ALPK3: variants seen among roughly 807,000 people sequenced by gnomAD.
The protein encoded by ALPK3 is alpha-protein kinase 3.
ALPK3 carries 102 observed loss-of-function variants against 140.0 expected under a neutral mutation model. The ratio of observed to expected loss-of-function variants is 0.73; its 90% CI spans 0.62 to 0.86. The LOEUF (loss-of-function observed/expected upper bound fraction) is 0.86. Among genes scored for constraint, ALPK3 ranks in the 40% least tolerant of loss-of-function variants. ALPK3 has a pLI of 0.00. For synonymous variants in ALPK3, 938 were observed against 898.5 expected (o/e 1.04, Z -0.79); for missense variants, 2,254 against 2,208.2 (o/e 1.02, Z -0.42).
At chr15:84,820,062 C>T (rs763309161) in intron 1 of ALPK3, among the ~76,000 whole-genome samples, 2 of 152,154 alleles carry the variant, frequency 1.3e-5, no homozygotes, top group Non-Finnish European at 2.9e-5. Context: ...CATCTAGGAC[C>T]TCACCCCCAT....
chr15:84,823,084 C>A (rs1963445785), intron 1 of ALPK3, among the ~76,000 whole-genome samples: 1 of 152,232 alleles, frequency 6.6e-6, no homozygotes, highest in South Asian at 2.1e-4. Context: ...CCCAAAGGGC[C>A]TCCTTCCTGC....
intron 3 of ALPK3, among the ~76,000 whole-genome samples, chr15:84,832,252 T>C (rs772118262): frequency 6.6e-6 from 1 of 152,234 alleles, no homozygotes; most frequent in African/African-American, 2.4e-5. Context: ...TTCTCAGTTT[T>C]CTCCACTGCT....
In ALPK3 at chr15:84,840,576, G is replaced by A. The variant is rs1261777551; in HGVS notation, c.1297G>A (p.Gly433Arg). 4 of 1,579,896 alleles carry A rather than the reference G, an allele frequency of 2.5e-6. No homozygotes were observed. Among genetic ancestry groups the A allele is most frequent in the Non-Finnish European group, 3.4e-6 (4 of 1,165,008 alleles). The change falls in exon 5 of 14, where the codon GGA becomes AGA. Residue 433 changes from glycine (G) to arginine (R), a missense_variant. By Grantham distance (125) the Gly-to-Arg change is moderately radical. Around this residue, in one of 3 missense-constraint regions of ALPK3, gnomAD observed 2,088 missense variants for 2,022.9 expected, o/e 1.03. Coordinates refer to ENST00000258888, the MANE Select transcript of ALPK3 (RefSeq NM_020778.5). ...TQAVRPLGEE[G>R]PQTLSVRAPG... The stretch of plus-strand genomic sequence containing the variant: ...GGCAGTCAGGCCTCTTGGGGAAGAG[G>A]GACCCCAGACCCTGAGTGTCCGGGC...
At chr15:84,824,526 A>G (rs1963463447) in intron 2 of ALPK3, among the ~76,000 whole-genome samples, 1 of 152,256 alleles carries the variant, frequency 6.6e-6, no homozygotes, top group Non-Finnish European at 1.5e-5. Flanking sequence ...GTTTACAGAC[A>G]TGATTAGCAA....
chr15:84,832,193 A>G (rs1002017432), intron 3 of ALPK3, among the ~76,000 whole-genome samples: 1 of 152,120 alleles, frequency 6.6e-6, no homozygotes, highest in African/African-American at 2.4e-5. Flanking sequence ...GAGGTACCAA[A>G]TTGCCAATTC....
At chr15:84,829,607 C>T (rs1450359200) in intron 3 of ALPK3, among the ~76,000 whole-genome samples, 1 of 152,166 alleles carries the variant, frequency 6.6e-6, no homozygotes, top group Admixed American at 6.5e-5. Context: ...GGGTGGTCCT[C>T]TGGGTGCACA....
intron 5 of ALPK3, among the ~76,000 whole-genome samples, chr15:84,841,516 C>T (rs1338480233): frequency 6.6e-6 from 1 of 152,212 alleles, no homozygotes; most frequent in Non-Finnish European, 1.5e-5. Flanking sequence ...CTTCGTAGGG[C>T]TGTTGTAAGA....
chr15:84,867,180 T>C, intron 12 of ALPK3, 137 bp from the exon 13 acceptor site: 1 of 459,228 alleles, frequency 2.2e-6, no homozygotes. Context: ...GATGCCAGCC[T>C]GGGCTGGTTC....
intron 9 of ALPK3, among the ~76,000 whole-genome samples, chr15:84,862,147 G>A (rs1022806311): frequency 3.3e-5 from 5 of 152,210 alleles, no homozygotes; most frequent in African/African-American, 9.6e-5. Context: ...TATATTTAGC[G>A]GTCACAATTT....
At chr15:84,851,193 C>G (rs1963799696) in intron 5 of ALPK3, among the ~76,000 whole-genome samples, 1 of 152,140 alleles carries the variant, frequency 6.6e-6, no homozygotes, top group Non-Finnish European at 1.5e-5. Flanking sequence ...AGAAAAGAAA[C>G]TTGAGTGAGG....
chr15:84,847,500 A>G (rs1963746184), intron 5 of ALPK3, among the ~76,000 whole-genome samples: 1 of 152,222 alleles, frequency 6.6e-6, no homozygotes, highest in South Asian at 2.1e-4. Flanking sequence ...GAAAGTAAAG[A>G]CAATGAAAAA....
chr15:84,838,684 A>G (rs1038114286), intron 3 of ALPK3, among the ~76,000 whole-genome samples: 1 of 150,746 alleles, frequency 6.6e-6, no homozygotes, highest in East Asian at 2.0e-4. Flanking sequence ...CAGTGGCAAG[A>G]TCTTGGCTCA....
Position 84,857,239 on chromosome 15 carries a change from G to T in ALPK3, c.2501G>T (p.Ser834Ile), listed in dbSNP as rs750057992. 1 of 1,614,008 alleles carries T rather than the reference G, an allele frequency of 6.2e-7. No individual in the cohort carries two copies. The highest frequency in any genetic ancestry group is 8.5e-7 in the Non-Finnish European group (1 of 1,179,940). ...SGPVEAKQED[S>I]PFQCPKEERP... Reference sequence around the variant, plus strand: ...CCAGTCGAGGCCAAGCAGGAGGACAGCCCGTTCCAGTGCCCCAAGGAGGAG... The same window carrying T: ...CCAGTCGAGGCCAAGCAGGAGGACATCCCGTTCCAGTGCCCCAAGGAGGAG... Residue 834 changes from serine to isoleucine, a missense_variant, in exon 6 of 14, where the codon AGC becomes ATC. By Grantham distance (142) the Ser-to-Ile change is moderately radical (BLOSUM62 -2). Transcript: ENST00000258888.
chr15:84,828,202 A>C (rs1963510534), intron 3 of ALPK3, among the ~76,000 whole-genome samples: 1 of 152,236 alleles, frequency 6.6e-6, no homozygotes, highest in Non-Finnish European at 1.5e-5. Context: ...AAGTGTTTGG[A>C]GTAGTACCTT....
rs779005778 is a variant in ALPK3 at position 84,856,844 on chromosome 15, G to A, written c.2106G>A (p.Lys702=). ...TQEDRRMQGE[K]GMQGEKGTQS... ...AAGACAGAAGGATGCAGGGAGAGAAGGGGATGCAGGGAGAGAAGGGGACGC... is the reference window on the plus strand; with the variant it reads ...AAGACAGAAGGATGCAGGGAGAGAAAGGGATGCAGGGAGAGAAGGGGACGC... The change falls in exon 6 of 14, where the codon AAG becomes AAA. Residue 702 remains lysine (K), a synonymous_variant. Coordinates refer to ENST00000258888, the MANE Select transcript of ALPK3 (RefSeq NM_020778.5). The A allele has an allele frequency of 1.9e-6, 3 of 1,613,618 alleles. No individual in the cohort carries two copies. The highest frequency in any genetic ancestry group is 1.3e-5 in the African/African-American group (1 of 74,874).
chr15:84,829,432 T>C (rs1300564376), intron 3 of ALPK3, among the ~76,000 whole-genome samples: 4 of 152,126 alleles, frequency 2.6e-5, no homozygotes, highest in Admixed American at 2.6e-4. Flanking sequence ...ACTGTAAAAG[T>C]TAGGTGCAGA....
chr15:84,859,271 G>A lies in ALPK3; in HGVS notation c.3846G>A (p.Val1282=), dbSNP rs1296977772. 1.9e-6 allele frequency: 3 copies of A among 1,614,042 alleles called. No individual in the cohort carries two copies. Among genetic ancestry groups the A allele is most frequent in the Non-Finnish European group, 2.5e-6 (3 of 1,180,014 alleles). ...CACAGGTGATCCGGAAGATTCGGGT[G>A]GAGCAGTTTCCTGATGCCTCCGGTA... ...KAPQVIRKIR[V]EQFPDASGSL... Residue 1282 remains valine, a synonymous_variant, in exon 7 of 14, where the codon GTG becomes GTA. Transcript: ENST00000258888.
rs114536068 is a variant in ALPK3 at position 84,823,302 on chromosome 15, A to G, written c.144-28A>G. On this transcript the variant is annotated intron_variant, in intron 1 of 13. Coordinates refer to ENST00000258888, the MANE Select transcript of ALPK3 (RefSeq NM_020778.5). ...TACTTCCTTCTTGCTTTTTTGGCCTAATGATTCCATTTGCTGTTTTTGCTT... is the reference window on the plus strand; with the variant it reads ...TACTTCCTTCTTGCTTTTTTGGCCTGATGATTCCATTTGCTGTTTTTGCTT... The G allele has an allele frequency of 1.8e-3, 2,830 of 1,613,878 alleles. 51 individuals carry two copies. The African/African-American group carries it at 0.035, about 20-fold the overall frequency.
At chr15:84,856,348 A>T (rs1351778445) in intron 5 of ALPK3, 44 bp from the exon 6 acceptor site, 1 of 1,543,254 alleles carries the variant, frequency 6.5e-7, no homozygotes, top group African/African-American at 1.4e-5. Flanking sequence ...AGAGATCTGA[A>T]TGTCCATGTA....
Sources: allele counts gnomAD v4.1 joint callset (sites outside exome capture counted in the v4.1 genomes callset), GRCh38; gene constraint gnomAD v4.1.1; regional missense constraint gnomAD v4.1.1; transcripts MANE v1.5; gene names NCBI Gene and HGNC (gene_info 2026-07-23, HGNC 2026-07-21).